ATP9A: variants seen among roughly 807,000 people sequenced by gnomAD.
ATP9A encodes ATPase phospholipid transporting 9A.
ATP9A carries 52 observed loss-of-function variants against 144.1 expected under a neutral mutation model. The ratio of observed to expected loss-of-function variants is 0.36; its 90% CI spans 0.29 to 0.45. ATP9A has a LOEUF of 0.45. Among genes scored for constraint, ATP9A ranks in the 20% least tolerant of loss-of-function variants. The pLI, the probability that ATP9A is intolerant of heterozygous loss-of-function variation, is 1.00. For synonymous variants in ATP9A, 582 were observed against 557.4 expected (o/e 1.04, Z -0.62); for missense variants, 947 against 1,392.7 (o/e 0.68, Z 5.09).
intron 4 of ATP9A, among the ~76,000 whole-genome samples, chr20:51,705,832 G>C (rs560542297): frequency 3.3e-4 from 51 of 152,262 alleles, no homozygotes; most frequent in African/African-American, 1.2e-3. Flanking sequence ...CAATTCTCTT[G>C]AGTAACAAAA....
At chr20:51,622,215 A>C in intron 18 of ATP9A, 43 bp from the exon 19 acceptor site, 1 of 1,547,608 alleles carries the variant, frequency 6.5e-7, no homozygotes, top group Non-Finnish European at 8.9e-7. Context: ...TTAGTTTTTG[A>C]GGCCGGCCTG....
intron 4 of ATP9A, among the ~76,000 whole-genome samples, chr20:51,707,725 T>C (rs1459274075): frequency 1.3e-5 from 2 of 152,116 alleles, no homozygotes; most frequent in Non-Finnish European, 2.9e-5. Flanking sequence ...CCACTTTTTG[T>C]AACTATCTGT....
chr20:51,652,828 G>A (rs1025380184), intron 14 of ATP9A, among the ~76,000 whole-genome samples: 20 of 152,026 alleles, frequency 1.3e-4, no homozygotes, highest in Non-Finnish European at 2.6e-4. Context: ...CCACAGCAAG[G>A]CCAGTCGCAG....
At chr20:51,626,655 G>A (rs535304257) in intron 17 of ATP9A, among the ~76,000 whole-genome samples, 1 of 148,810 alleles carries the variant, frequency 6.7e-6, no homozygotes, top group Admixed American at 6.7e-5. Flanking sequence ...GAATAAATGT[G>A]CAAAAAAAAA....
intron 10 of ATP9A, among the ~76,000 whole-genome samples, chr20:51,675,252 G>T (rs985974860): frequency 6.6e-6 from 1 of 152,208 alleles, no homozygotes; most frequent in Admixed American, 6.5e-5. Context: ...TAGTTGTAAT[G>T]ATGGCTGTAA....
At chr20:51,710,352 G>A (rs2077632645) in intron 4 of ATP9A, among the ~76,000 whole-genome samples, 1 of 152,104 alleles carries the variant, frequency 6.6e-6, no homozygotes, top group Non-Finnish European at 1.5e-5. Flanking sequence ...AGTCCATCAT[G>A]AATATACTCA....
intron 1 of ATP9A, among the ~76,000 whole-genome samples, chr20:51,738,529 C>A (rs1436952378): frequency 2.0e-5 from 3 of 150,738 alleles, no homozygotes; most frequent in African/African-American, 7.3e-5. Context: ...CGTGGTGAAA[C>A]CCTGTCTCTA....
At chr20:51,764,733 T>G (rs1254005476) in intron 1 of ATP9A, among the ~76,000 whole-genome samples, 3 of 152,240 alleles carry the variant, frequency 2.0e-5, no homozygotes, top group African/African-American at 7.2e-5. Context: ...GGAGAATTTT[T>G]TTTTTTGAGA....
chr20:51,685,033 A>T (rs2077517072), intron 9 of ATP9A, among the ~76,000 whole-genome samples: 1 of 151,784 alleles, frequency 6.6e-6, no homozygotes, highest in African/African-American at 2.4e-5. Context: ...AAAAAAAAAA[A>T]AAAAAAATAC....
chr20:51,667,085 A>G (rs2077436096), intron 13 of ATP9A, among the ~76,000 whole-genome samples: 1 of 152,146 alleles, frequency 6.6e-6, no homozygotes, highest in African/African-American at 2.4e-5. Context: ...GCTGTGTCAG[A>G]CTCAAGGCCG....
chr20:51,704,299 T>C (rs2077606151), intron 4 of ATP9A, among the ~76,000 whole-genome samples: 1 of 151,252 alleles, frequency 6.6e-6, no homozygotes, highest in South Asian at 2.1e-4. Context: ...AATGATGAAG[T>C]AGACGAACAC....
Position 51,652,662 on chromosome 20 carries a change from G to T in ATP9A, c.1506+4276C>A, listed in dbSNP as rs544606975. On this transcript the variant is annotated intron_variant, in intron 14 of 27. Transcript: ENST00000338821. ...TTGGCAGTAGGCGGCCTCTGAAGTA[G>T]TTTTTAGAAGGCTGATCAGGAAGAC... is the stretch of plus-strand genomic sequence containing the variant. 5.9e-5 allele frequency among the ~76,000 whole-genome samples: 9 copies of T among 152,306 alleles called. No homozygotes were observed. In the South Asian group the frequency reaches 1.4e-3, roughly 25 times the overall value.
At chr20:51,604,303 C>T (rs1237341578) in intron 27 of ATP9A, among the ~76,000 whole-genome samples, 2 of 152,120 alleles carry the variant, frequency 1.3e-5, no homozygotes, top group East Asian at 1.9e-4. Context: ...ACGGAACTGG[C>T]GAGTACCTTC....
chr20:51,719,082 C>T (rs553083241), intron 3 of ATP9A, among the ~76,000 whole-genome samples: 3 of 150,968 alleles, frequency 2.0e-5, no homozygotes, highest in East Asian at 2.0e-4. Flanking sequence ...GAGCCAAGAT[C>T]GAGCCACTGC....
At chr20:51,669,704 T>C (rs910158) in intron 13 of ATP9A, among the ~76,000 whole-genome samples, 111,956 of 152,050 alleles carry the variant, frequency 0.74, 42,113 homozygotes, top group Middle Eastern at 0.83. Flanking sequence ...ATAGGGAAGA[T>C]GGGGAAGGAC....
chr20:51,653,678 T>C (rs1052953709), intron 14 of ATP9A, among the ~76,000 whole-genome samples: 4 of 151,880 alleles, frequency 2.6e-5, no homozygotes, highest in Admixed American at 6.6e-5. Context: ...TCCCAACTAC[T>C]TGGGAAGCTG....
intron 13 of ATP9A, among the ~76,000 whole-genome samples, chr20:51,663,724 G>T (rs1434649858): frequency 6.6e-6 from 1 of 151,366 alleles, no homozygotes; most frequent in Non-Finnish European, 1.5e-5. Flanking sequence ...AACCCGGGAG[G>T]TGGAGCTTGC....
chr20:51,668,072 AGAAG>A (rs1300401793), intron 13 of ATP9A, among the ~76,000 whole-genome samples: 4 of 62,366 alleles, frequency 6.4e-5, no homozygotes, highest in African/African-American at 2.4e-4. Context: ...CTGTTACAAA[AGAAG>A]GAAGGGAGGT....
At chr20:51,758,031 T>A (rs1233896595) in intron 1 of ATP9A, among the ~76,000 whole-genome samples, 1 of 152,244 alleles carries the variant, frequency 6.6e-6, no homozygotes, top group Non-Finnish European at 1.5e-5. Context: ...ATGTCAGGCA[T>A]GACTTGGGGT....
Sources: allele counts gnomAD v4.1 joint callset (sites outside exome capture counted in the v4.1 genomes callset), GRCh38; gene constraint gnomAD v4.1.1; transcripts MANE v1.5; gene names NCBI Gene and HGNC (gene_info 2026-07-23, HGNC 2026-07-21).